Variants in FANCD2 observed in about 807,000 individuals in gnomAD.
FANCD2 encodes the protein Fanconi anemia group D2 protein.
A neutral mutation model predicts 192.3 loss-of-function variants in FANCD2; 131 were observed. The ratio of observed to expected loss-of-function variants is 0.68; its 90% confidence interval spans 0.59 to 0.79. The LOEUF is 0.79. Among genes scored for constraint, FANCD2 ranks in the 30% least tolerant of loss-of-function variants. FANCD2 has a pLI of 0.00. For missense variants in FANCD2, 1,508 were observed against 1,701.6 expected (o/e 0.89, Z 2.00); for synonymous variants, 524 against 612.5 (o/e 0.86, Z 2.13).
chr3:10,086,656 A>G (rs1478058424), intron 33 of FANCD2, among the ~76,000 whole-genome samples: 3 of 151,864 alleles, frequency 2.0e-5, no homozygotes, highest in Non-Finnish European at 4.4e-5. Flanking sequence ...TAATTTTTAT[A>G]TTTTTGTAGA....
intron 27 of FANCD2, 21 bp downstream of exon 27, chr3:10,073,002 T>C: frequency 7.4e-7 from 1 of 1,352,418 alleles, no homozygotes; most frequent in South Asian, 1.2e-5. Context: ...TCTTTTCCTC[T>C]TGTCTTGTGT....
rs908638084 is a variant in FANCD2 at position 10,100,183 on chromosome 3, A to G, written c.4282-1005A>G. Among the ~76,000 whole-genome samples, 7 of 152,326 alleles carry G rather than the reference A, an allele frequency of 4.6e-5. No individual in the cohort carries two copies. The South Asian group carries it at 1.4e-3, about 32-fold the overall frequency. On this transcript the variant is annotated intron_variant, in intron 43 of 43. Coordinates refer to ENST00000675286, the MANE Select transcript of FANCD2 (RefSeq NM_001018115.3). ...TGACAGAGCGAGACCCTGTCTCAAA[A>G]TAAAAAAGTTATTTTATTTACATGG...
chr3:10,065,335 A>G (rs2087687953), intron 23 of FANCD2, 59 bp from the exon 24 acceptor site: 7 of 1,067,914 alleles, frequency 6.6e-6, no homozygotes, highest in East Asian at 2.4e-5. Context: ...ATATCTCCCT[A>G]TGTACGTGGA....
intron 38 of FANCD2, 68 bp from the exon 39 acceptor site, chr3:10,093,217 C>T (rs1333596632): frequency 1.1e-5 from 13 of 1,222,602 alleles, no homozygotes; most frequent in African/African-American, 3.0e-5. Flanking sequence ...CTTTGCGCAG[C>T]GGGAAAGAGG....
At chr3:10,056,255 C>G (rs1273658428) in intron 18 of FANCD2, among the ~76,000 whole-genome samples, 2 of 152,152 alleles carry the variant, frequency 1.3e-5, no homozygotes, top group African/African-American at 4.8e-5. Flanking sequence ...CACCTTTTGG[C>G]CATTTGAATA....
intron 32 of FANCD2, among the ~76,000 whole-genome samples, chr3:10,083,944 A>G (rs1284525607): frequency 6.7e-6 from 1 of 148,356 alleles, no homozygotes; most frequent in Non-Finnish European, 1.5e-5. Flanking sequence ...GAATATTTTG[A>G]GCAATTTAGC....
intron 17 of FANCD2, among the ~76,000 whole-genome samples, chr3:10,050,379 C>A (rs546601760): frequency 4.6e-5 from 7 of 152,242 alleles, no homozygotes; most frequent in African/African-American, 1.7e-4. Context: ...AATCCCAGCA[C>A]TTTGGGAGGC....
intron 26 of FANCD2, among the ~76,000 whole-genome samples, chr3:10,068,498 A>G (rs1255546907): frequency 2.6e-5 from 4 of 152,156 alleles, no homozygotes; most frequent in Admixed American, 2.6e-4. Context: ...TTAAAGAGCA[A>G]ATAAAAAAAG....
At chr3:10,066,060 T>C (rs777598119) in intron 25 of FANCD2, 81 bp downstream of exon 25, 86 of 890,734 alleles carry the variant, frequency 9.7e-5, no homozygotes, top group Non-Finnish European at 1.5e-4. Context: ...CAAGACTCCC[T>C]AGAAGTCTTC....
chr3:10,042,145 C>A (rs1051602542), intron 10 of FANCD2, among the ~76,000 whole-genome samples: 2 of 152,152 alleles, frequency 1.3e-5, no homozygotes, highest in Admixed American at 6.5e-5. Context: ...TTCCACCCCC[C>A]TCGGCCTCCC....
rs190008893 is a variant in FANCD2, at chr3:10,036,834, T to C, written c.491+495T>C. Among the ~76,000 whole-genome samples, 224 of 152,216 alleles carry C rather than the reference T, an allele frequency of 1.5e-3. 1 individual carries two copies. Among genetic ancestry groups the C allele is most frequent in the African/African-American group, 5.2e-3 (217 of 41,536 alleles). The stretch of plus-strand genomic sequence containing the variant: ...TTTCTGAATACTTTTCTTTACCTTT[T>C]AAATTTTGTAGTGTATGTTCAGACA... On this transcript the variant is annotated intron_variant, in intron 7 of 43. Transcript: ENST00000675286.
At position 10,095,129 on chromosome 3, in the gene FANCD2, T is replaced by C. The variant is rs1049235343; in HGVS notation, c.3964-71T>C. The C allele has an allele frequency of 9.2e-6, 12 of 1,307,638 alleles. No individual in the cohort carries two copies. The African/African-American group carries it at 1.6e-4, about 17-fold the overall frequency. 81.0% of individuals were successfully genotyped at this position (1,307,638 alleles called of 1,614,324 possible). A position where few individuals can be genotyped will look rare whatever the true frequency, so the allele number is the denominator to read the frequency against. On this transcript the variant is annotated intron_variant, in intron 40 of 43. Coordinates refer to ENST00000675286, the MANE Select transcript of FANCD2 (RefSeq NM_001018115.3). ...GTTTATCCTCTTTGGAGCTTTTGAT[T>C]GCAAGGGTATCTTGAATCTAAAATG...
At chr3:10,035,469 C>A (rs2086704940) in intron 6 of FANCD2, among the ~76,000 whole-genome samples, 1 of 152,144 alleles carries the variant, frequency 6.6e-6, no homozygotes, top group African/African-American at 2.4e-5. Flanking sequence ...GCATCTGATT[C>A]CTGTTCTTAA....
chr3:10,082,019 GC>G (rs1051554214), intron 32 of FANCD2, among the ~76,000 whole-genome samples: 1 of 152,130 alleles, frequency 6.6e-6, no homozygotes, highest in Non-Finnish European at 1.5e-5. Flanking sequence ...CTTAAATTTA[GC>G]CAAAATTTAT....
rs916464957 is a variant in FANCD2 at position 10,035,033 on chromosome 3, T to C, written c.378-140T>C. 4.0e-6 allele frequency: 3 copies of C among 747,958 alleles called. No individual in the cohort carries two copies. The African/African-American group carries it at 5.3e-5, about 13-fold the overall frequency. 46.3% of individuals were successfully genotyped at this position (747,958 alleles called of 1,614,324 possible). A position where few individuals can be genotyped will look rare whatever the true frequency, so the allele number is the denominator to read the frequency against. ...TACCTCTCCCTTGCAAAGAGCCATC[T>C]GCTCATTTCTGTATTTCTTGTCTAA... On this transcript the variant is annotated intron_variant, in intron 5 of 43. Coordinates refer to ENST00000675286, the MANE Select transcript of FANCD2 (RefSeq NM_001018115.3).
chr3:10,055,854 C>T (rs1456588274), intron 18 of FANCD2, among the ~76,000 whole-genome samples: 2 of 151,464 alleles, frequency 1.3e-5, no homozygotes, highest in African/African-American at 2.4e-5. Flanking sequence ...TAAATAATTC[C>T]ATTCTTTGTT....
At chr3:10,098,141 C>T (rs7622963) in intron 42 of FANCD2, among the ~76,000 whole-genome samples, 36,545 of 151,832 alleles carry the variant, frequency 0.24, 5,838 homozygotes, top group African/African-American at 0.46. Context: ...ATATATAAAA[C>T]AGCACCACAG....
intron 17 of FANCD2, among the ~76,000 whole-genome samples, chr3:10,050,875 T>A (rs1393864089): frequency 7.1e-5 from 10 of 141,514 alleles, no homozygotes; most frequent in African/African-American, 2.6e-4. Context: ...TCACCTGAGG[T>A]TGGGAGTTCG....
intron 18 of FANCD2, among the ~76,000 whole-genome samples, chr3:10,054,397 G>GTGTATATACATATATATATA (rs2087322353): frequency 1.3e-5 from 1 of 79,258 alleles, no homozygotes; most frequent in African/African-American, 7.0e-5. Context: ...ATGTATATAC[G>GTGTATATACATATATATATA]TATATGTATA....
Sources: gnomAD v4.1 joint callset for allele counts (sites outside exome capture counted in the v4.1 genomes callset) on GRCh38, gnomAD v4.1.1 for gene constraint, MANE v1.5 for transcripts, NCBI Gene and HGNC (gene_info 2026-07-23, HGNC 2026-07-21) for gene names.